The following ZC3H6 variants were observed in gnomAD, a reference collection of about 807,000 sequenced individuals.
ZC3H6 encodes the protein zinc finger CCCH domain-containing protein 6.
In ZC3H6, 40 loss-of-function variants were observed where a neutral mutation model predicts 107.7. That is an observed-to-expected ratio of 0.37 (90% CI 0.29 to 0.48). ZC3H6 has a LOEUF of 0.48. Among genes scored for constraint, ZC3H6 ranks in the 20% least tolerant of loss-of-function variants. The probability of loss-of-function intolerance (pLI) is 0.98; values close to 1 mark genes in which losing one functional copy is unlikely to be tolerated. For missense variants in ZC3H6, 1,267 were observed against 1,410.4 expected (o/e 0.90, Z 1.63); for synonymous variants, 493 against 487.9 (o/e 1.01, Z -0.14).
At position 112,336,560 on chromosome 2, in the gene ZC3H6, T is replaced by G. The variant is rs937665668; in HGVS notation, c.*4072T>G. 6.6e-6 allele frequency: 1 copy of G among 152,210 alleles called. No individual in the cohort carries two copies. The highest frequency in any genetic ancestry group is 2.4e-5 in the African/African-American group (1 of 41,452). The allele number at this position is 152,210 out of a possible 1,614,324, so 9.4% of individuals were successfully genotyped here. ...AACGGCCTAAGAGTTCAAAGCTATT[T>G]TCTTAGGTGTTACACCTTAGCATTT... On this transcript the variant is annotated 3_prime_UTR_variant, in exon 12 of 12. Transcript: ENST00000409871.
intron 3 of ZC3H6, among the ~76,000 whole-genome samples, chr2:112,306,599 T>G (rs1328275301): frequency 1.3e-5 from 2 of 152,186 alleles, no homozygotes; most frequent in Non-Finnish European, 2.9e-5. Context: ...AGAAATAACT[T>G]TAGGCCTAGG....
rs1573967423 is a variant in ZC3H6 at position 112,331,328 on chromosome 2, A to G, written c.2410A>G (p.Lys804Glu). The G allele has an allele frequency of 6.2e-7, 1 of 1,613,714 alleles. No individual in the cohort carries two copies. Among genetic ancestry groups the G allele is most frequent in the South Asian group, 1.1e-5 (1 of 91,090 alleles). Residue 804 changes from lysine (K) to glutamate (E), a missense_variant, in exon 12 of 12, where the codon AAG (lysine) becomes GAG (glutamate). This residue lies in a region of ZC3H6 where 925 missense variants were observed against 1,025.7 expected (regional missense o/e 0.90). Transcript: ENST00000409871. ...GHIGSSVGGA[K>E]FDLHHANAGT... ...CATAGGCTCTTCTGTTGGTGGAGCA[A>G]AGTTTGATTTGCATCATGCAAATGC...
In ZC3H6 at chr2:112,336,114, A is replaced by C. The variant is rs1243302363; in HGVS notation, c.*3626A>C. 1 of 152,084 alleles carries C rather than the reference A, an allele frequency of 6.6e-6. No individual in the cohort carries two copies. Among genetic ancestry groups the C allele is most frequent in the Non-Finnish European group, 1.5e-5 (1 of 68,030 alleles). The allele number at this position is 152,084 out of a possible 1,614,324, so 9.4% of individuals were successfully genotyped here. A position where few individuals can be genotyped will look rare whatever the true frequency, so the allele number is the denominator to read the frequency against. Reference sequence around the variant, plus strand: ...CACACTGCGGTCTTCCTGAAAGACTACTTACTTCATAAAGGTATTATGTTT... The same window carrying C: ...CACACTGCGGTCTTCCTGAAAGACTCCTTACTTCATAAAGGTATTATGTTT... On this transcript the variant is annotated 3_prime_UTR_variant, in exon 12 of 12. Coordinates refer to ENST00000409871, the MANE Select transcript of ZC3H6 (RefSeq NM_198581.3).
chr2:112,279,256 C>T (rs1686483447), intron 1 of ZC3H6, among the ~76,000 whole-genome samples: 1 of 152,150 alleles, frequency 6.6e-6, no homozygotes, highest in Non-Finnish European at 1.5e-5. Context: ...TTTTATATTT[C>T]AACTGGATGT....
At chr2:112,304,855 A>G (rs1676445724) in intron 3 of ZC3H6, among the ~76,000 whole-genome samples, 1 of 152,158 alleles carries the variant, frequency 6.6e-6, no homozygotes, top group South Asian at 2.1e-4. Context: ...CCAAAATACT[A>G]TTTTTGTTAG....
chr2:112,306,068 T>C (rs2104709527), intron 3 of ZC3H6, among the ~76,000 whole-genome samples: 1 of 152,334 alleles, frequency 6.6e-6, no homozygotes, highest in South Asian at 2.1e-4. Context: ...TAAAATCTTC[T>C]AAGTCATTTT....
intron 5 of ZC3H6, 28 bp from the exon 6 acceptor site, chr2:112,316,442 G>T (rs746012732): frequency 3.5e-5 from 48 of 1,359,514 alleles, no homozygotes; most frequent in Non-Finnish European, 4.9e-5. Flanking sequence ...TTCATATGCT[G>T]CATTCAAATG....
In ZC3H6 at chr2:112,332,385, AG is replaced by A. The variant is rs759391090; in HGVS notation, c.3471del (p.Ser1158AlafsTer17). ...CCAAGGCAGGCAAGGCAGCCAGGACAGGGGAGCCCGACCCCAGATAATGATC... is the reference window on the plus strand; with the variant it reads ...CCAAGGCAGGCAAGGCAGCCAGGACAGGGAGCCCGACCCCAGATAATGATC... ...SDPRQARQPG[Q>X]GSPTPDNDPG... On this transcript the variant is annotated frameshift_variant, in exon 12 of 12. Transcript: ENST00000409871. LOFTEE classifies it high-confidence loss of function. 1 of 1,613,830 alleles carries A rather than the reference AG, an allele frequency of 6.2e-7. No homozygotes were observed. The highest frequency in any genetic ancestry group is 1.7e-5 in the Admixed American group (1 of 60,026).
chr2:112,297,399 T>A (rs1400618964), intron 1 of ZC3H6, among the ~76,000 whole-genome samples: 2 of 152,200 alleles, frequency 1.3e-5, no homozygotes, highest in Non-Finnish European at 2.9e-5. Flanking sequence ...GTTTAGTTGT[T>A]TTTCATTTGC....
chr2:112,329,147 G>T (rs1676971295), intron 11 of ZC3H6, among the ~76,000 whole-genome samples: 1 of 151,922 alleles, frequency 6.6e-6, no homozygotes, highest in African/African-American at 2.4e-5. Context: ...GGATTTTAAT[G>T]CTTTTATGCA....
intron 1 of ZC3H6, among the ~76,000 whole-genome samples, chr2:112,296,244 A>G (rs1477237849): frequency 2.6e-5 from 4 of 152,026 alleles, no homozygotes; most frequent in Admixed American, 6.6e-5. Context: ...CTTCTGTTAT[A>G]TATTGGTTTG....
rs558223009 is a variant in ZC3H6, at chr2:112,279,109, G to A, written c.32+3083G>A. Among the ~76,000 whole-genome samples the A allele has an allele frequency of 3.6e-4, 55 of 152,284 alleles. No individual in the cohort carries two copies. In the South Asian group the frequency reaches 0.011, roughly 30 times the overall value. ...TGTGGCTATGTAGAATGTAGTAGAGGACTTTTGCATAAGCCCAGAGCCTAG... is the reference window on the plus strand; with the variant it reads ...TGTGGCTATGTAGAATGTAGTAGAGAACTTTTGCATAAGCCCAGAGCCTAG... On this transcript the variant is annotated intron_variant, in intron 1 of 11. Coordinates refer to ENST00000409871, the MANE Select transcript of ZC3H6 (RefSeq NM_198581.3).
chr2:112,313,327 C>A (rs933411522), intron 5 of ZC3H6, among the ~76,000 whole-genome samples: 1 of 152,078 alleles, frequency 6.6e-6, no homozygotes, highest in Non-Finnish European at 1.5e-5. Flanking sequence ...TCTTAGACAC[C>A]AGTAGACCTT....
chr2:112,278,884 G>A (rs1282201066), intron 1 of ZC3H6, among the ~76,000 whole-genome samples: 4 of 152,134 alleles, frequency 2.6e-5, no homozygotes, highest in African/African-American at 7.2e-5. Flanking sequence ...GCCTCCCAGA[G>A]TGTTGGGATT....
chr2:112,312,000 A>G, intron 5 of ZC3H6, 63 bp downstream of exon 5: 1 of 1,470,552 alleles, frequency 6.8e-7, no homozygotes, highest in Non-Finnish European at 9.1e-7. Context: ...ATTTGATGGC[A>G]AAGAAAGCAT....
Position 112,325,025 on chromosome 2 carries a change from C to G in ZC3H6, c.1914C>G (p.Asn638Lys). The G allele has an allele frequency of 6.2e-7, 1 of 1,613,336 alleles. No individual in the cohort carries two copies. Among genetic ancestry groups the G allele is most frequent in the Non-Finnish European group, 8.5e-7 (1 of 1,179,576 alleles). ...QQPPVVQDSP[N>K]HGSGSDGSST... ...CTCCTGTTGTTCAAGACTCACCTAA[C>G]CATGGGAGTGGGTCTGATGGCAGCA... is the stretch of plus-strand genomic sequence containing the variant. Residue 638 changes from asparagine to lysine, a missense_variant, in exon 11 of 12, where the codon AAC (asparagine) becomes AAG (lysine). This residue lies in a region of ZC3H6 where 925 missense variants were observed against 1,025.7 expected (regional missense o/e 0.90). Transcript: ENST00000409871.
intron 1 of ZC3H6, among the ~76,000 whole-genome samples, chr2:112,291,140 C>A (rs991765194): frequency 6.6e-6 from 1 of 152,220 alleles, no homozygotes; most frequent in Non-Finnish European, 1.5e-5. Flanking sequence ...CTGGCATACC[C>A]TGTGTAAGCT....
In ZC3H6 at chr2:112,289,069, T is replaced by C. The variant is rs554831454; in HGVS notation, c.33-10780T>C. 2.1e-4 allele frequency among the ~76,000 whole-genome samples: 17 copies of C among 79,476 alleles called. No individual in the cohort carries two copies. The East Asian group carries it at 6.6e-3, about 31-fold the overall frequency. The allele number at this position is 79,476 out of a possible 152,430, so 52.1% of individuals were successfully genotyped here. A position where few individuals can be genotyped will look rare whatever the true frequency, so the allele number is the denominator to read the frequency against. On this transcript the variant is annotated intron_variant, in intron 1 of 11. Coordinates refer to ENST00000409871, the MANE Select transcript of ZC3H6 (RefSeq NM_198581.3). ...CTTTTTTTTCTTTTTTTTCTTTTTT[T>C]TTTTTGAGACAGAATCCCGCCCTGT... is the stretch of plus-strand genomic sequence containing the variant.
intron 5 of ZC3H6, among the ~76,000 whole-genome samples, chr2:112,313,906 C>A (rs1359934894): frequency 6.6e-6 from 1 of 152,148 alleles, no homozygotes; most frequent in Non-Finnish European, 1.5e-5. Flanking sequence ...CAAGAGTAGT[C>A]ACAAAGAAGC....
Sources: allele counts gnomAD v4.1 joint callset (sites outside exome capture counted in the v4.1 genomes callset), GRCh38; gene constraint gnomAD v4.1.1; regional missense constraint gnomAD v4.1.1; transcripts MANE v1.5; gene names NCBI Gene and HGNC (gene_info 2026-07-23, HGNC 2026-07-21).